Variants in PIK3AP1 observed in about 807,000 individuals in gnomAD.
PIK3AP1 encodes the protein phosphoinositide 3-kinase adapter protein 1.
PIK3AP1 carries 21 observed loss-of-function variants against 88.1 expected under a neutral mutation model. The ratio of observed to expected loss-of-function variants is 0.24; its 90% CI spans 0.17 to 0.34. The LOEUF (loss-of-function observed/expected upper bound fraction) is 0.34. Among genes scored for constraint, PIK3AP1 ranks in the 10% least tolerant of loss-of-function variants. The pLI is 1.00. For synonymous variants in PIK3AP1, 398 were observed against 400.0 expected (o/e 1.00, Z 0.06); for missense variants, 828 against 1,035.7 (o/e 0.80, Z 2.75).
intron 2 of PIK3AP1, among the ~76,000 whole-genome samples, chr10:96,709,144 A>C (rs921461216): frequency 4.0e-5 from 6 of 151,520 alleles, no homozygotes; most frequent in African/African-American, 4.8e-5. Context: ...AAAAAAAAAA[A>C]AAAAAACCCT....
intron 2 of PIK3AP1, among the ~76,000 whole-genome samples, chr10:96,666,351 G>A (rs1449279023): frequency 1.3e-5 from 2 of 152,116 alleles, no homozygotes; most frequent in South Asian, 2.1e-4. Context: ...CCTGGGAGGC[G>A]GAGCTTGCAG....
intron 2 of PIK3AP1, among the ~76,000 whole-genome samples, chr10:96,701,277 T>C (rs1340890076): frequency 6.6e-6 from 1 of 152,184 alleles, no homozygotes. Context: ...GCATTCTTCA[T>C]TCTTTATCTC....
chr10:96,705,688 T>A (rs1844352202), intron 2 of PIK3AP1, among the ~76,000 whole-genome samples: 1 of 150,868 alleles, frequency 6.6e-6, no homozygotes, highest in Non-Finnish European at 1.5e-5. Context: ...GCTCAGGTGA[T>A]CCTCCCACCT....
intron 6 of PIK3AP1, among the ~76,000 whole-genome samples, chr10:96,649,308 T>G (rs1051664597): frequency 2.0e-5 from 3 of 152,122 alleles, no homozygotes; most frequent in Non-Finnish European, 4.4e-5. Context: ...CCTCCCAAAG[T>G]GCTGGGATTA....
intron 8 of PIK3AP1, among the ~76,000 whole-genome samples, chr10:96,642,101 A>G (rs1843396456): frequency 6.6e-6 from 1 of 152,128 alleles, no homozygotes; most frequent in South Asian, 2.1e-4. Context: ...GTCTAGAGTT[A>G]GAAAATTCAG....
intron 2 of PIK3AP1, among the ~76,000 whole-genome samples, chr10:96,706,042 C>T (rs371545344): frequency 2.0e-5 from 3 of 151,652 alleles, no homozygotes; most frequent in Non-Finnish European, 2.9e-5. Flanking sequence ...TACAGGCGCC[C>T]GCCACCTCGC....
At chr10:96,670,837 G>A (rs139012707) in intron 2 of PIK3AP1, among the ~76,000 whole-genome samples, 58 of 152,260 alleles carry the variant, frequency 3.8e-4, no homozygotes, top group African/African-American at 1.3e-3. Context: ...GGTCATAACT[G>A]AGAACACGAG....
intron 2 of PIK3AP1, among the ~76,000 whole-genome samples, chr10:96,692,243 C>G (rs968491389): frequency 2.0e-5 from 3 of 152,134 alleles, no homozygotes; most frequent in African/African-American, 4.8e-5. Flanking sequence ...AATCATATTT[C>G]AATACAGCTG....
chr10:96,639,300 C>T (rs1302884406), intron 8 of PIK3AP1, among the ~76,000 whole-genome samples: 6 of 152,148 alleles, frequency 3.9e-5, no homozygotes, highest in Non-Finnish European at 7.3e-5. Flanking sequence ...TTCAAGAAAT[C>T]GCTGAACACC....
At position 96,648,774 on chromosome 10, in the gene PIK3AP1, G is replaced by C; in HGVS notation, c.1070C>G (p.Thr357Ser). 1 of 1,610,066 alleles carries C rather than the reference G, an allele frequency of 6.2e-7. No individual in the cohort carries two copies. The highest frequency in any genetic ancestry group is 8.5e-7 in the Non-Finnish European group (1 of 1,178,504). ...GTACGCCTGCAGGGCTCCTGGGCAG[G>C]TGAGCAACAAGGCAGTGAGGTTCTT... ...GLKNLTALLL[T>S]CPGALQAYSV... Residue 357 changes from threonine to serine, a missense_variant, in exon 7 of 17, where the codon ACC (threonine) becomes AGC (serine). Coordinates refer to ENST00000339364, the MANE Select transcript of PIK3AP1 (RefSeq NM_152309.3).
chr10:96,709,910 G>T lies in PIK3AP1; in HGVS notation c.87C>A (p.Thr29=). The part of the protein sequence containing the change: ...DAEEWCQYLQ[T]LFLSSRQVRS... ...GGACCTGCCGACTGGACAGGAACAG[G>T]GTCTGCAGGTACTGGCACCATTCCT... The change falls in exon 2 of 17, where the codon ACC becomes ACA. Residue 29 remains threonine, a synonymous_variant. Coordinates refer to ENST00000339364, the MANE Select transcript of PIK3AP1 (RefSeq NM_152309.3). 1 of 1,612,068 alleles carries T rather than the reference G, an allele frequency of 6.2e-7. No individual in the cohort carries two copies. Among genetic ancestry groups the T allele is most frequent in the East Asian group, 2.2e-5 (1 of 44,828 alleles).
intron 16 of PIK3AP1, among the ~76,000 whole-genome samples, chr10:96,597,247 C>CTTCTTTTT (rs1848772182): frequency 6.6e-6 from 1 of 150,802 alleles, no homozygotes; most frequent in Non-Finnish European, 1.5e-5. Context: ...ACCTCTCTGC[C>CTTCTTTTT]TTCTTTTTTT....
intron 8 of PIK3AP1, among the ~76,000 whole-genome samples, chr10:96,637,314 T>TCACTCACA (rs35300133): frequency 0.061 from 7,757 of 127,934 alleles, 265 homozygotes; most frequent in South Asian, 0.13. Context: ...AGATATACAA[T>TCACTCACA]CACACACACA....
intron 2 of PIK3AP1, among the ~76,000 whole-genome samples, chr10:96,675,736 A>T (rs973071969): frequency 6.6e-6 from 1 of 152,200 alleles, no homozygotes; most frequent in Non-Finnish European, 1.5e-5. Flanking sequence ...CAGGACTGTT[A>T]TTGTTGAACA....
chr10:96,690,545 C>T (rs1311766516), intron 2 of PIK3AP1, among the ~76,000 whole-genome samples: 1 of 152,156 alleles, frequency 6.6e-6, no homozygotes, highest in Non-Finnish European at 1.5e-5. Flanking sequence ...AGGTGTGAAC[C>T]ATTGCACCCA....
intron 2 of PIK3AP1, among the ~76,000 whole-genome samples, chr10:96,683,916 G>A (rs1844035051): frequency 6.6e-6 from 1 of 152,170 alleles, no homozygotes; most frequent in African/African-American, 2.4e-5. Context: ...TGGTCACATG[G>A]CTGTGCTACT....
chr10:96,648,714 G>T lies in PIK3AP1; in HGVS notation c.1130C>A (p.Thr377Asn). 1 of 1,610,986 alleles carries T rather than the reference G, an allele frequency of 6.2e-7. No individual in the cohort carries two copies. The highest frequency in any genetic ancestry group is 8.5e-7 in the Non-Finnish European group (1 of 1,178,812). ...VANKHGHYPN[T>N]IAEKHGFRDL... is the part of the protein sequence containing the mutation. ...CCTGAAGCCGTGTTTCTCAGCGATG[G>T]TGTTGGGGTAGTGGCCATGCTTGTT... The change falls in exon 7 of 17, where the codon ACC becomes AAC. Residue 377 changes from threonine to asparagine, a missense_variant. Thr to Asn is a moderately conservative substitution (Grantham distance 65). Around this residue, in one of 3 missense-constraint regions of PIK3AP1, gnomAD observed 610 missense variants for 760.1 expected, o/e 0.80. Transcript: ENST00000339364.
intron 2 of PIK3AP1, among the ~76,000 whole-genome samples, chr10:96,687,004 G>C (rs1207820329): frequency 2.0e-5 from 3 of 152,014 alleles, no homozygotes; most frequent in African/African-American, 7.2e-5. Flanking sequence ...CTCTGATTAA[G>C]ATCTCCTCCT....
chr10:96,662,302 T>C (rs1843698017), intron 2 of PIK3AP1, among the ~76,000 whole-genome samples: 1 of 152,220 alleles, frequency 6.6e-6, no homozygotes, highest in Admixed American at 6.5e-5. Flanking sequence ...CATTTTCTTA[T>C]TATAATAGAT....
Sources: gnomAD v4.1 joint callset for allele counts (sites outside exome capture counted in the v4.1 genomes callset) on GRCh38, gnomAD v4.1.1 for gene constraint, gnomAD v4.1.1 regional missense constraint, MANE v1.5 for transcripts, NCBI Gene and HGNC (gene_info 2026-07-23, HGNC 2026-07-21) for gene names.